Variants in PAWR observed in about 807,000 individuals in gnomAD.
PAWR encodes the protein pro-apoptotic WT1 regulator, also known as PRKC apoptosis WT1 regulator protein.
PAWR carries 23 observed loss-of-function variants against 32.0 expected under a neutral mutation model. That is an observed-to-expected ratio of 0.72 (90% CI 0.52 to 1.02). The LOEUF is 1.02. Among genes scored for constraint, PAWR ranks in the 50% least tolerant of loss-of-function variants. PAWR has a pLI of 0.00. For missense variants in PAWR, 457 were observed against 437.7 expected (o/e 1.04, Z -0.39); for synonymous variants, 226 against 187.1 (o/e 1.21, Z -1.70).
chr12:79,657,770 G>T (rs969121545), intron 2 of PAWR, among the ~76,000 whole-genome samples: 18 of 151,964 alleles, frequency 1.2e-4, no homozygotes, highest in Non-Finnish European at 2.1e-4. Flanking sequence ...CCCCAGCCTG[G>T]GCCACAGAGC....
chr12:79,614,304 C>T (rs1044009547), intron 3 of PAWR, among the ~76,000 whole-genome samples: 2 of 150,668 alleles, frequency 1.3e-5, no homozygotes, highest in Non-Finnish European at 1.5e-5. Context: ...GCCACTGCGC[C>T]CGGCCTTATA....
At chr12:79,635,371 T>C (rs1344656814) in intron 2 of PAWR, among the ~76,000 whole-genome samples, 1 of 152,084 alleles carries the variant, frequency 6.6e-6, no homozygotes, top group Non-Finnish European at 1.5e-5. Context: ...GTCACCTTGA[T>C]GACTGAGGGA....
chr12:79,606,638 A>T (rs1473846921), intron 4 of PAWR, among the ~76,000 whole-genome samples: 1 of 152,168 alleles, frequency 6.6e-6, no homozygotes, highest in East Asian at 1.9e-4. Flanking sequence ...TGTTCGAAAA[A>T]AATCTAGTTA....
At chr12:79,610,805 A>G (rs558043748) in intron 4 of PAWR, among the ~76,000 whole-genome samples, 3 of 151,626 alleles carry the variant, frequency 2.0e-5, no homozygotes, top group Non-Finnish European at 2.9e-5. Flanking sequence ...TTGAAAAAAA[A>G]AAACCCACAA....
At chr12:79,650,887 T>TA (rs1194248009) in intron 2 of PAWR, among the ~76,000 whole-genome samples, 1 of 152,218 alleles carries the variant, frequency 6.6e-6, no homozygotes, top group African/African-American at 2.4e-5. Flanking sequence ...GGCAGACCTT[T>TA]ATACTGCGTG....
chr12:79,663,347 G>C (rs1048403441), intron 2 of PAWR, among the ~76,000 whole-genome samples: 2 of 152,144 alleles, frequency 1.3e-5, no homozygotes, highest in Non-Finnish European at 2.9e-5. Flanking sequence ...GAATACACCT[G>C]ACAGAAATGG....
intron 4 of PAWR, among the ~76,000 whole-genome samples, chr12:79,598,576 A>G (rs1873846805): frequency 6.6e-6 from 1 of 152,182 alleles, no homozygotes; most frequent in South Asian, 2.1e-4. Flanking sequence ...CTCATCTATG[A>G]ATTTCTTACC....
intron 2 of PAWR, among the ~76,000 whole-genome samples, chr12:79,679,252 C>T (rs983831952): frequency 6.6e-6 from 1 of 152,094 alleles, no homozygotes; most frequent in African/African-American, 2.4e-5. Context: ...TCTGAAGAAA[C>T]ATTTACATAT....
intron 2 of PAWR, among the ~76,000 whole-genome samples, chr12:79,646,410 A>C (rs1876578406): frequency 6.6e-6 from 1 of 152,220 alleles, no homozygotes; most frequent in Admixed American, 6.5e-5. Context: ...GTAGAGGTAA[A>C]GAACAAACCA....
intron 2 of PAWR, among the ~76,000 whole-genome samples, chr12:79,665,565 C>T (rs991775714): frequency 6.6e-6 from 1 of 152,202 alleles, no homozygotes; most frequent in Non-Finnish European, 1.5e-5. Context: ...CACATTTCAT[C>T]TCAAGTATAT....
chr12:79,652,435 G>A (rs1467667420), intron 2 of PAWR, among the ~76,000 whole-genome samples: 1 of 152,158 alleles, frequency 6.6e-6, no homozygotes, highest in African/African-American at 2.4e-5. Context: ...GAGATGTGCG[G>A]ATGTGAGCAG....
chr12:79,600,632 C>A (rs1334683270), intron 4 of PAWR, among the ~76,000 whole-genome samples: 1 of 148,780 alleles, frequency 6.7e-6, no homozygotes, highest in East Asian at 1.9e-4. Context: ...CAGGCATATG[C>A]CACCACCATA....
chr12:79,646,104 C>T lies in PAWR; in HGVS notation c.517-24897G>A, dbSNP rs1412940999. ...TTCAGAGTTTGGAATATTTGCATTA[C>T]ATTGATTGAGCATCCCTAATCCAAA... On this transcript the variant is annotated intron_variant, in intron 2 of 6. Transcript: ENST00000328827. Among the ~76,000 whole-genome samples the T allele has an allele frequency of 2.6e-5, 4 of 152,054 alleles. No individual in the cohort carries two copies. In the South Asian group the frequency reaches 6.2e-4, roughly 24 times the overall value.
intron 2 of PAWR, among the ~76,000 whole-genome samples, chr12:79,641,454 T>G (rs1429785894): frequency 1.3e-5 from 2 of 152,174 alleles, no homozygotes; most frequent in Non-Finnish European, 2.9e-5. Flanking sequence ...TGAGACCACA[T>G]TTACTGTTTT....
chr12:79,668,895 T>A (rs1877747773), intron 2 of PAWR, among the ~76,000 whole-genome samples: 1 of 152,094 alleles, frequency 6.6e-6, no homozygotes, highest in Admixed American at 6.5e-5. Flanking sequence ...CAAGTTGGGG[T>A]ATTCCTATTG....
chr12:79,592,313 A>G lies in PAWR; in HGVS notation c.*294T>C. 3.5e-6 allele frequency: 1 copy of G among 286,628 alleles called. No homozygotes were observed. The highest frequency in any genetic ancestry group is 4.5e-5 in the South Asian group (1 of 22,120). 17.8% of individuals were successfully genotyped at this position (286,628 alleles called of 1,614,324 possible). ...TGTACTACCAAGATAAAATATATTC[A>G]AACGGCTGTGACTTTAAACCATGTA... On this transcript the variant is annotated 3_prime_UTR_variant, in exon 7 of 7. Transcript: ENST00000328827.
In PAWR at chr12:79,632,350, TATATATATA is replaced by T. The variant is rs1245876793; in HGVS notation, c.517-11152_517-11144del. 2.6e-3 allele frequency among the ~76,000 whole-genome samples: 157 copies of T among 59,744 alleles called. 2 individuals carry two copies. Among genetic ancestry groups the T allele is most frequent in the Admixed American group, 4.4e-3 (23 of 5,220 alleles). The allele number at this position is 59,744 out of a possible 152,430, so 39.2% of individuals were successfully genotyped here. On this transcript the variant is annotated intron_variant, in intron 2 of 6. Coordinates refer to ENST00000328827, the MANE Select transcript of PAWR (RefSeq NM_002583.4). ...ATATATATATATATATATATATATATATATATATATATTTTTTTTTTTTTTTAGACAGGG... is the reference window on the plus strand; with the variant it reads ...ATATATATATATATATATATATATATTATTTTTTTTTTTTTTTAGACAGGG...
chr12:79,689,674 C>T, intron 2 of PAWR, 55 bp downstream of exon 2: 1 of 1,515,728 alleles, frequency 6.6e-7, no homozygotes, highest in South Asian at 1.2e-5. Context: ...AGGAAGACAC[C>T]GGGAGGCAGC....
chr12:79,689,969 C>T lies in PAWR; in HGVS notation c.276G>A (p.Ala92=), dbSNP rs952747497. ...AVPGPGGVNC[A]VGSAMLTRAA... Reference sequence around the variant, plus strand: ...CCCGCGTCAGCATGGCGGAGCCGACCGCGCAGTTCACGCCCCCGGGACCGG... The same window carrying T: ...CCCGCGTCAGCATGGCGGAGCCGACTGCGCAGTTCACGCCCCCGGGACCGG... The change falls in exon 2 of 7, where the codon GCG becomes GCA. Residue 92 remains alanine (A), a synonymous_variant. Transcript: ENST00000328827. 1 of 1,367,482 alleles carries T rather than the reference C, an allele frequency of 7.3e-7. No homozygotes were observed. 84.7% of individuals were successfully genotyped at this position (1,367,482 alleles called of 1,614,324 possible).
Sources: allele counts gnomAD v4.1 joint callset (sites outside exome capture counted in the v4.1 genomes callset), GRCh38; gene constraint gnomAD v4.1.1; transcripts MANE v1.5; gene names NCBI Gene and HGNC (gene_info 2026-07-23, HGNC 2026-07-21).